The following TRIO variants were observed in gnomAD, a reference collection of about 807,000 sequenced individuals.
TRIO encodes the protein triple functional domain protein.
In TRIO, 58 loss-of-function variants were observed where a neutral mutation model predicts 351.9. The ratio of observed to expected loss-of-function variants is 0.16; its 90% CI spans 0.13 to 0.21. TRIO has a LOEUF of 0.21. Ranked by LOEUF, TRIO falls within the 10% of genes least tolerant of loss-of-function variation. The pLI, the probability that TRIO is intolerant of heterozygous loss-of-function variation, is 1.00. For synonymous variants in TRIO, 1,758 were observed against 1,595.7 expected, an observed-to-expected ratio of 1.10 and a Z score of -2.42; for missense variants, 3,201 against 4,027.8, an observed-to-expected ratio of 0.79 and a Z score of 5.56.
At chr5:14,148,671 T>C (rs1182631707) in intron 1 of TRIO, among the ~76,000 whole-genome samples, 3 of 152,196 alleles carry the variant, frequency 2.0e-5, no homozygotes, top group Non-Finnish European at 4.4e-5. Context: ...CCCTGGACAG[T>C]GAAGACTTGG....
rs148344711 is a variant in TRIO at position 14,301,408 on chromosome 5, G to T, written c.1369-3053G>T. On this transcript the variant is annotated intron_variant, in intron 7 of 56. Coordinates refer to ENST00000344204, the MANE Select transcript of TRIO (RefSeq NM_007118.4). ...AGTCCCCCAGATGCTTTGTGTTCAC[G>T]TATTTTGATCTAGGGAGCACTTAAA... Among the ~76,000 whole-genome samples the T allele has an allele frequency of 8.5e-5, 13 of 152,094 alleles. No individual in the cohort carries two copies. In the East Asian group the frequency reaches 2.5e-3, roughly 29 times the overall value.
At chr5:14,262,694 A>G (rs1172847381) in intron 1 of TRIO, among the ~76,000 whole-genome samples, 2 of 152,030 alleles carry the variant, frequency 1.3e-5, no homozygotes, top group African/African-American at 4.8e-5. Context: ...TCATGGAGGT[A>G]GGGGATGGGA....
intron 54 of TRIO, among the ~76,000 whole-genome samples, chr5:14,502,974 G>T (rs964799790): frequency 2.6e-5 from 4 of 152,346 alleles, no homozygotes; most frequent in Non-Finnish European, 4.4e-5. Context: ...TCTTTCAAAC[G>T]CTTCTTGTAG....
chr5:14,387,921 C>G lies in TRIO; in HGVS notation c.3881+74C>G, dbSNP rs919888364. 22 of 1,497,714 alleles carry G rather than the reference C, an allele frequency of 1.5e-5. No individual in the cohort carries two copies. The African/African-American group carries it at 2.2e-4, about 15-fold the overall frequency. 92.8% of individuals were successfully genotyped at this position (1,497,714 alleles called of 1,614,324 possible). A position where few individuals can be genotyped will look rare whatever the true frequency, so the allele number is the denominator to read the frequency against. ...GAATGTCATTTGGACAGACATGCTT[C>G]TGTGTGTGCTTTGAAGTCACATGGC... On this transcript the variant is annotated intron_variant, in intron 23 of 56. Transcript: ENST00000344204.
intron 13 of TRIO, among the ~76,000 whole-genome samples, chr5:14,361,773 G>T (rs548344325): frequency 3.3e-5 from 5 of 152,188 alleles, no homozygotes; most frequent in Admixed American, 6.5e-5. Flanking sequence ...GGGTGGTGTC[G>T]TCATCTCTCG....
intron 8 of TRIO, among the ~76,000 whole-genome samples, chr5:14,311,436 T>C (rs1738923892): frequency 6.6e-6 from 1 of 152,208 alleles, no homozygotes; most frequent in African/African-American, 2.4e-5. Flanking sequence ...GCTTTCTCTG[T>C]GTTCTCCCTG....
intron 5 of TRIO, among the ~76,000 whole-genome samples, chr5:14,291,518 C>T (rs557608591): frequency 4.0e-5 from 6 of 151,756 alleles, no homozygotes; most frequent in African/African-American, 1.2e-4. Flanking sequence ...ACATTTCGGC[C>T]GTGCTCACGC....
chr5:14,488,688 A>C, intron 48 of TRIO: 1 of 553,678 alleles, frequency 1.8e-6, no homozygotes, highest in East Asian at 3.0e-5. Context: ...TTATGCCTTA[A>C]ATTATCTTTG....
chr5:14,449,667 GT>G (rs1354132818), intron 34 of TRIO, among the ~76,000 whole-genome samples: 1 of 152,332 alleles, frequency 6.6e-6, no homozygotes, highest in African/African-American at 2.4e-5. Flanking sequence ...TTCAGGACAT[GT>G]ATAACTCCAG....
intron 45 of TRIO, 153 bp downstream of exon 45, chr5:14,481,771 CTT>C (rs34046917): frequency 0.072 from 13,481 of 186,286 alleles, 15 homozygotes; most frequent in South Asian, 0.12. Flanking sequence ...ATTTTATTTC[CTT>C]TTTTTTTTTT....
intron 1 of TRIO, among the ~76,000 whole-genome samples, chr5:14,261,055 C>T (rs922922245): frequency 1.3e-5 from 2 of 152,176 alleles, no homozygotes; most frequent in African/African-American, 4.8e-5. Flanking sequence ...AGGAAACATT[C>T]ATTCAGAATC....
At chr5:14,359,334 T>C (rs1252629605) in intron 12 of TRIO, 23 bp from the exon 13 acceptor site, 1 of 1,598,490 alleles carries the variant, frequency 6.3e-7, no homozygotes, top group Non-Finnish European at 8.6e-7. Flanking sequence ...ATCCAATTCC[T>C]GTTCCTCTGT....
chr5:14,255,914 C>T (rs1794999005), intron 1 of TRIO, among the ~76,000 whole-genome samples: 2 of 152,024 alleles, frequency 1.3e-5, no homozygotes, highest in Admixed American at 6.6e-5. Flanking sequence ...TTATATAAAG[C>T]TCAAAAATAA....
intron 34 of TRIO, among the ~76,000 whole-genome samples, chr5:14,444,759 A>C (rs115700156): frequency 0.012 from 1,837 of 152,282 alleles, 21 homozygotes; most frequent in African/African-American, 0.041. Context: ...ATTTGTATAT[A>C]TTTTTAGCCA....
At chr5:14,491,432 G>A (rs575914203) in intron 48 of TRIO, among the ~76,000 whole-genome samples, 46 of 152,344 alleles carry the variant, frequency 3.0e-4, no homozygotes, top group African/African-American at 1.1e-3. Context: ...TTGAGCACAA[G>A]TTCACGGGAA....
chr5:14,420,207 C>A, intron 34 of TRIO, 186 bp downstream of exon 34: 1 of 863,462 alleles, frequency 1.2e-6, no homozygotes, highest in Non-Finnish European at 1.7e-6. Context: ...GAGGATTTCA[C>A]CCACGACTCA....
chr5:14,464,609 T>G (rs189179852), intron 36 of TRIO, among the ~76,000 whole-genome samples: 1 of 152,320 alleles, frequency 6.6e-6, no homozygotes, highest in Non-Finnish European at 1.5e-5. Flanking sequence ...CCAAATGTCA[T>G]TAGACCAAAC....
intron 5 of TRIO, 22 bp from the exon 6 acceptor site, chr5:14,292,990 G>C (rs1296406124): frequency 6.2e-7 from 1 of 1,613,806 alleles, no homozygotes; most frequent in Non-Finnish European, 8.5e-7. Context: ...GTGATTGCGG[G>C]TTGTCTTTTT....
rs1787324834 is a variant in TRIO at position 14,143,864 on chromosome 5, G to T, written c.139G>T (p.Ala47Ser). 3.7e-6 allele frequency: 4 copies of T among 1,075,866 alleles called. No individual in the cohort carries two copies. Among genetic ancestry groups the T allele is most frequent in the Admixed American group, 1.1e-4 (2 of 18,628 alleles). The allele number at this position is 1,075,866 out of a possible 1,614,324, so 66.6% of individuals were successfully genotyped here. A position where few individuals can be genotyped will look rare whatever the true frequency, so the allele number is the denominator to read the frequency against. Residue 47 changes from alanine to serine, a missense_variant, in exon 1 of 57, where the codon GCG (alanine) becomes TCG (serine). Transcript: ENST00000344204. ...EEAAKDLADI[A>S]AFFRSGFRKN... ...GGCGGCCAAGGACCTGGCCGACATCGCGGCCTTCTTCCGATCCGGTGAGTG... is the reference window on the plus strand; with the variant it reads ...GGCGGCCAAGGACCTGGCCGACATCTCGGCCTTCTTCCGATCCGGTGAGTG...
Sources: allele counts gnomAD v4.1 joint callset (sites outside exome capture counted in the v4.1 genomes callset), GRCh38; gene constraint gnomAD v4.1.1; transcripts MANE v1.5; gene names NCBI Gene and HGNC (gene_info 2026-07-23, HGNC 2026-07-21).